PTPRT: variants seen among roughly 807,000 people sequenced by gnomAD.
PTPRT encodes protein tyrosine phosphatase receptor type T.
PTPRT carries 56 observed loss-of-function variants against 176.8 expected under a neutral mutation model. That is an observed-to-expected ratio of 0.32 (90% CI 0.26 to 0.40). The LOEUF is 0.40. Ranked by LOEUF, PTPRT falls within the 10% of genes least tolerant of loss-of-function variation. The pLI, the probability that PTPRT is intolerant of heterozygous loss-of-function variation, is 1.00. For synonymous variants in PTPRT, 783 were observed against 739.0 expected (o/e 1.06, Z -0.96); for missense variants, 1,540 against 1,908.2 (o/e 0.81, Z 3.60).
At chr20:43,011,446 AC>A (rs1226925142) in intron 1 of PTPRT, among the ~76,000 whole-genome samples, 6 of 152,310 alleles carry the variant, frequency 3.9e-5, no homozygotes, top group African/African-American at 1.4e-4. Context: ...CAGAAGTAAG[AC>A]CCACCAGCCC....
chr20:42,180,492 C>G (rs1485063099), intron 16 of PTPRT, among the ~76,000 whole-genome samples: 2 of 152,196 alleles, frequency 1.3e-5, no homozygotes. Context: ...ATATAATGTA[C>G]TTATCTTTTG....
At chr20:43,138,584 T>C (rs1208536821) in intron 1 of PTPRT, among the ~76,000 whole-genome samples, 1 of 152,198 alleles carries the variant, frequency 6.6e-6, no homozygotes, top group Non-Finnish European at 1.5e-5. Context: ...AGTGAGTCAC[T>C]GCCACTGTCA....
chr20:42,391,176 T>C (rs1185069925), intron 9 of PTPRT, among the ~76,000 whole-genome samples: 1 of 152,120 alleles, frequency 6.6e-6, no homozygotes, highest in Non-Finnish European at 1.5e-5. Flanking sequence ...AAAAAGCAAA[T>C]GTCCTTTTCA....
At chr20:42,417,797 T>G (rs4810355) in intron 9 of PTPRT, among the ~76,000 whole-genome samples, 130,838 of 151,376 alleles carry the variant, frequency 0.86, 56,671 homozygotes, top group African/African-American at 0.88. Context: ...GAGTACAGTG[T>G]CATGATCATA....
intron 1 of PTPRT, among the ~76,000 whole-genome samples, chr20:43,025,497 C>G (rs1334751575): frequency 6.6e-6 from 1 of 152,192 alleles, no homozygotes; most frequent in Non-Finnish European, 1.5e-5. Flanking sequence ...AGGACACGTT[C>G]TCAACATCTA....
intron 12 of PTPRT, among the ~76,000 whole-genome samples, chr20:42,314,040 A>C (rs1402873644): frequency 6.6e-6 from 1 of 152,130 alleles, no homozygotes; most frequent in Non-Finnish European, 1.5e-5. Context: ...TGTTCCCCAC[A>C]CACTTCACCA....
chr20:42,375,282 C>T (rs1430350315), intron 9 of PTPRT, among the ~76,000 whole-genome samples: 1 of 152,114 alleles, frequency 6.6e-6, no homozygotes, highest in Non-Finnish European at 1.5e-5. Flanking sequence ...TCTCTGCCCT[C>T]AGAGAGGTTA....
intron 1 of PTPRT, among the ~76,000 whole-genome samples, chr20:43,105,879 T>A (rs915404703): frequency 6.6e-6 from 1 of 151,974 alleles, no homozygotes; most frequent in African/African-American, 2.4e-5. Flanking sequence ...GAGTTCTTCA[T>A]TCTTGGGTGG....
At chr20:42,756,401 C>A (rs1175692171) in intron 6 of PTPRT, 61 bp downstream of exon 6, 38 of 1,431,918 alleles carry the variant, frequency 2.7e-5, no homozygotes, top group Non-Finnish European at 3.3e-5. Flanking sequence ...AGAAAAGGGG[C>A]TTTAAGGCCC....
chr20:42,794,926 G>A (rs1461466231), intron 2 of PTPRT, among the ~76,000 whole-genome samples: 2 of 152,070 alleles, frequency 1.3e-5, no homozygotes, highest in African/African-American at 4.8e-5. Flanking sequence ...CCTTATATAG[G>A]TCTGACCACA....
intron 1 of PTPRT, among the ~76,000 whole-genome samples, chr20:42,975,647 C>T (rs758612394): frequency 2.6e-5 from 4 of 152,156 alleles, no homozygotes; most frequent in Admixed American, 6.5e-5. Context: ...ATTCTCACTA[C>T]GCCTATACCC....
Position 43,074,501 on chromosome 20 carries a change from A to T in PTPRT, c.88+115145T>A, listed in dbSNP as rs375348807. Among the ~76,000 whole-genome samples the T allele has an allele frequency of 2.1e-4, 32 of 152,306 alleles. 3 individuals are homozygous for T. The highest frequency in any genetic ancestry group is 1.3e-3 in the Admixed American group (20 of 15,310). On this transcript the variant is annotated intron_variant, in intron 1 of 30. Transcript: ENST00000373187. ...GGAAAGTAACATTGAATAAGTCCTC[A>T]TGTAATCCTTGGCACACACCATGAA...
Position 42,379,073 on chromosome 20 carries a change from T to C in PTPRT, c.1561-26788A>G, listed in dbSNP as rs543886855. Reference sequence around the variant, plus strand: ...GGAATGCTGCATTTCGTTTTGAACATGTAAGCCTTTGCTTCTGCCTTCAGG... The same window carrying C: ...GGAATGCTGCATTTCGTTTTGAACACGTAAGCCTTTGCTTCTGCCTTCAGG... On this transcript the variant is annotated intron_variant, in intron 9 of 30. Coordinates refer to ENST00000373187, the MANE Select transcript of PTPRT (RefSeq NM_007050.6). Among the ~76,000 whole-genome samples, 4 of 152,320 alleles carry C rather than the reference T, an allele frequency of 2.6e-5. No homozygotes were observed. The South Asian group carries it at 8.3e-4, about 32-fold the overall frequency.
At chr20:42,240,623 A>G (rs989334945) in intron 14 of PTPRT, among the ~76,000 whole-genome samples, 1 of 152,182 alleles carries the variant, frequency 6.6e-6, no homozygotes, top group Non-Finnish European at 1.5e-5. Context: ...CCATCCATCT[A>G]GATCACAAAC....
chr20:42,387,823 G>A (rs376682213), intron 9 of PTPRT, among the ~76,000 whole-genome samples: 2 of 144,238 alleles, frequency 1.4e-5, no homozygotes, highest in African/African-American at 2.6e-5. Context: ...ATGAAGTCTC[G>A]CCCTGTCGCC....
chr20:42,756,393 A>G (rs2076832773), intron 6 of PTPRT, 69 bp downstream of exon 6: 21 of 1,392,712 alleles, frequency 1.5e-5, no homozygotes, highest in Non-Finnish European at 2.0e-5. Context: ...AGCAGATGAG[A>G]AAAGGGGCTT....
Position 42,985,790 on chromosome 20 carries a change from G to C in PTPRT, c.89-99858C>G, listed in dbSNP as rs192289516. On this transcript the variant is annotated intron_variant, in intron 1 of 30. Transcript: ENST00000373187. ...ACTGAGAAGATGTTCAAAGTCTAGCGGGGGGATGAGGAGTGCGCCCCCCAG... is the reference window on the plus strand; with the variant it reads ...ACTGAGAAGATGTTCAAAGTCTAGCCGGGGGATGAGGAGTGCGCCCCCCAG... Among the ~76,000 whole-genome samples, 23 of 152,228 alleles carry C rather than the reference G, an allele frequency of 1.5e-4. 1 individual carries two copies. The South Asian group carries it at 4.4e-3, about 29-fold the overall frequency.
chr20:42,918,160 G>A (rs532547967), intron 1 of PTPRT, among the ~76,000 whole-genome samples: 6 of 152,108 alleles, frequency 3.9e-5, no homozygotes, highest in African/African-American at 1.4e-4. Context: ...TTCTATCCTG[G>A]AGACCAGTAG....
chr20:42,775,375 G>A (rs2077121011), intron 4 of PTPRT, among the ~76,000 whole-genome samples: 1 of 152,200 alleles, frequency 6.6e-6, no homozygotes. Context: ...TGGGCTCGGG[G>A]ACACGGCCCC....
Sources: gnomAD v4.1 joint callset for allele counts (sites outside exome capture counted in the v4.1 genomes callset) on GRCh38, gnomAD v4.1.1 for gene constraint, MANE v1.5 for transcripts, NCBI Gene and HGNC (gene_info 2026-07-23, HGNC 2026-07-21) for gene names.